The following PGBD5 variants were observed in gnomAD, a reference collection of about 807,000 sequenced individuals.
PGBD5 encodes piggyBac transposable element-derived protein 5.
A neutral mutation model predicts 47.9 loss-of-function variants in PGBD5; 14 were observed. The observed-to-expected ratio is 0.29, with a 90% CI of 0.19 to 0.46. PGBD5 has a LOEUF of 0.46. Among genes scored for constraint, PGBD5 ranks in the 20% least tolerant of loss-of-function variants. The pLI, the probability that PGBD5 is intolerant of heterozygous loss-of-function variation, is 1.00. For missense variants in PGBD5, 635 were observed against 716.0 expected (o/e 0.89, Z 1.29); for synonymous variants, 316 against 306.3 (o/e 1.03, Z -0.33).
intron 1 of PGBD5, among the ~76,000 whole-genome samples, chr1:230,358,585 C>T (rs995190502): frequency 1.7e-4 from 26 of 151,946 alleles, no homozygotes; most frequent in African/African-American, 6.0e-4. Context: ...ACACACACAC[C>T]TCCCCGCCCC....
intron 2 of PGBD5, among the ~76,000 whole-genome samples, chr1:230,355,803 C>T (rs557012006): frequency 2.6e-5 from 4 of 152,100 alleles, no homozygotes; most frequent in African/African-American, 7.2e-5. Context: ...CCAGAAGGCA[C>T]GCTGCAAACA....
At chr1:230,370,881 C>T (rs1667917691) in intron 1 of PGBD5, among the ~76,000 whole-genome samples, 1 of 152,182 alleles carries the variant, frequency 6.6e-6, no homozygotes, top group East Asian at 1.9e-4. Flanking sequence ...TGATCTGGTC[C>T]CATGTATTAG....
At position 230,319,833 on chromosome 1, in the gene PGBD5, T is replaced by C. The variant is rs1484997748; in HGVS notation, c.*3592A>G. ...TGTCCCATGGACCACGGGAAGACGT[T>C]GTTCAAACTCGAGGCTTTTTTTTTT... On this transcript the variant is annotated 3_prime_UTR_variant, in exon 7 of 7. Transcript: ENST00000391860. 2.0e-5 allele frequency: 3 copies of C among 150,724 alleles called. No homozygotes were observed. The highest frequency in any genetic ancestry group is 2.9e-5 in the Non-Finnish European group (2 of 67,850). 9.3% of individuals were successfully genotyped at this position (150,724 alleles called of 1,614,324 possible).
chr1:230,420,200 G>C (rs1312535667), intron 1 of PGBD5, among the ~76,000 whole-genome samples: 1 of 152,144 alleles, frequency 6.6e-6, no homozygotes, highest in Non-Finnish European at 1.5e-5. Flanking sequence ...AAACAAAGGG[G>C]AGAGAGAAGT....
At position 230,404,476 on chromosome 1, in the gene PGBD5, G is replaced by A. The variant is rs144207647; in HGVS notation, c.331+21122C>T. On this transcript the variant is annotated intron_variant, in intron 1 of 6. Coordinates refer to ENST00000391860, the MANE Select transcript of PGBD5 (RefSeq NM_001258311.2). ...AAAAATTAGCCAAGTGTGGTGGCGC[G>A]CACCTGTGGTCCCAGGTACTTGGGA... 7.2e-5 allele frequency among the ~76,000 whole-genome samples: 11 copies of A among 151,798 alleles called. 1 individual carries two copies. In the East Asian group the frequency reaches 9.7e-4, roughly 13 times the overall value.
At position 230,393,738 on chromosome 1, in the gene PGBD5, T is replaced by A. The variant is rs568816793; in HGVS notation, c.331+31860A>T. Among the ~76,000 whole-genome samples the A allele has an allele frequency of 7.6e-3, 1,086 of 143,754 alleles. 16 individuals carry two copies. The highest frequency in any genetic ancestry group is 0.026 in the African/African-American group (1,022 of 38,592). 94.3% of individuals were successfully genotyped at this position (143,754 alleles called of 152,430 possible). On this transcript the variant is annotated intron_variant, in intron 1 of 6. Coordinates refer to ENST00000391860, the MANE Select transcript of PGBD5 (RefSeq NM_001258311.2). ...TACTCGGGAGGCTGAGGCAGGAGAA[T>A]GGCGTGAACCCGGGAAGCGGAGCTT... is the stretch of plus-strand genomic sequence containing the variant.
chr1:230,368,526 G>A (rs920098832), intron 1 of PGBD5, among the ~76,000 whole-genome samples: 2 of 152,244 alleles, frequency 1.3e-5, no homozygotes, highest in East Asian at 3.8e-4. Flanking sequence ...TGGCCCCTGG[G>A]GCGCCTCTTG....
chr1:230,418,211 T>C (rs1184718026), intron 1 of PGBD5, among the ~76,000 whole-genome samples: 1 of 152,178 alleles, frequency 6.6e-6, no homozygotes, highest in Admixed American at 6.5e-5. Context: ...AAGGAAGTGA[T>C]GTATACAAAC....
chr1:230,408,714 T>C (rs1373932465), intron 1 of PGBD5, among the ~76,000 whole-genome samples: 2 of 152,060 alleles, frequency 1.3e-5, no homozygotes, highest in African/African-American at 2.4e-5. Context: ...AAACTCAAAA[T>C]AGACCAAAGA....
At chr1:230,342,683 A>G in intron 3 of PGBD5, among the ~76,000 whole-genome samples, 1 of 152,182 alleles carries the variant, frequency 6.6e-6, no homozygotes, top group East Asian at 1.9e-4. Flanking sequence ...GGGGCAAGTT[A>G]CTTAATTGCT....
chr1:230,378,540 G>A (rs1668048623), intron 1 of PGBD5, among the ~76,000 whole-genome samples: 1 of 152,194 alleles, frequency 6.6e-6, no homozygotes, highest in Non-Finnish European at 1.5e-5. Flanking sequence ...GGAGATGGGA[G>A]CTGGGATTTC....
At chr1:230,324,446 C>T (rs767702481) in intron 6 of PGBD5, among the ~76,000 whole-genome samples, 4 of 152,162 alleles carry the variant, frequency 2.6e-5, no homozygotes, top group Admixed American at 6.5e-5. Flanking sequence ...ACATAGTGGG[C>T]GTTCAACAAA....
chr1:230,327,821 C>T (rs974789564), intron 5 of PGBD5, among the ~76,000 whole-genome samples: 1 of 152,252 alleles, frequency 6.6e-6, no homozygotes, highest in Non-Finnish European at 1.5e-5. Context: ...ATCTCAGCTG[C>T]CTCTGCCTCC....
Position 230,371,962 on chromosome 1 carries a change from A to G in PGBD5, c.332-14641T>C, listed in dbSNP as rs573688396. On this transcript the variant is annotated intron_variant, in intron 1 of 6. Transcript: ENST00000391860. The stretch of plus-strand genomic sequence containing the variant: ...CAGAGGATGAGGAGGCTAGTTGGGA[A>G]TGGAAGAGGAGGGGATGGGAATATA... 2.0e-5 allele frequency among the ~76,000 whole-genome samples: 3 copies of G among 152,326 alleles called. No individual in the cohort carries two copies. In the South Asian group the frequency reaches 6.2e-4, roughly 32 times the overall value.
At chr1:230,404,649 T>C (rs1312767196) in intron 1 of PGBD5, among the ~76,000 whole-genome samples, 3 of 146,844 alleles carry the variant, frequency 2.0e-5, no homozygotes, top group African/African-American at 7.5e-5. Context: ...TATATATATA[T>C]GGCCTGGCAA....
At chr1:230,362,334 C>T (rs752180654) in intron 1 of PGBD5, 19 of 1,367,476 alleles carry the variant, frequency 1.4e-5, no homozygotes, top group East Asian at 9.1e-5. Context: ...GATTATAGGG[C>T]GGCCGAGGCG....
chr1:230,370,204 A>G (rs1443670183), intron 1 of PGBD5, among the ~76,000 whole-genome samples: 1 of 152,176 alleles, frequency 6.6e-6, no homozygotes, highest in African/African-American at 2.4e-5. Context: ...GCAGGGCGCT[A>G]CCTGCCTTGC....
intron 1 of PGBD5, among the ~76,000 whole-genome samples, chr1:230,377,096 G>A (rs370473757): frequency 6.6e-6 from 1 of 152,214 alleles, no homozygotes; most frequent in African/African-American, 2.4e-5. Context: ...GCTGGGTGCA[G>A]AAAAAGGCCC....
At position 230,315,190 on chromosome 1, in the gene PGBD5, GC is replaced by G. The variant is rs1358871208; in HGVS notation, c.*8234del. The stretch of plus-strand genomic sequence containing the variant: ...GGTCACCCCTGCCCACTGAGAACCA[GC>G]CACCCCCTCACCCCCCACCAGAGTT... On this transcript the variant is annotated 3_prime_UTR_variant, in exon 7 of 7. Transcript: ENST00000391860. The G allele has an allele frequency of 1.3e-5, 2 of 152,204 alleles. No homozygotes were observed. Among genetic ancestry groups the G allele is most frequent in the Non-Finnish European group, 2.9e-5 (2 of 68,096 alleles). 9.4% of individuals were successfully genotyped at this position (152,204 alleles called of 1,614,324 possible).
Sources: gnomAD v4.1 joint callset for allele counts (sites outside exome capture counted in the v4.1 genomes callset) on GRCh38, gnomAD v4.1.1 for gene constraint, MANE v1.5 for transcripts, NCBI Gene and HGNC (gene_info 2026-07-23, HGNC 2026-07-21) for gene names.